NUDT6: variants seen among roughly 807,000 people sequenced by gnomAD.
NUDT6 encodes FAD diphosphatase NUDT6.
NUDT6 carries 24 observed loss-of-function variants against 36.8 expected under a neutral mutation model. That is an observed-to-expected ratio of 0.65 (90% CI 0.47 to 0.92). The LOEUF is 0.92. Ranked by LOEUF, NUDT6 falls within the 40% of genes least tolerant of loss-of-function variation. The pLI is 0.00. For synonymous variants in NUDT6, 163 were observed against 157.0 expected (o/e 1.04, Z -0.29); for missense variants, 388 against 392.8 (o/e 0.99, Z 0.10).
intron 3 of NUDT6, among the ~76,000 whole-genome samples, chr4:122,912,337 C>T (rs1727747504): frequency 6.6e-6 from 1 of 152,108 alleles, no homozygotes; most frequent in Admixed American, 6.6e-5. Flanking sequence ...TTATAATTTT[C>T]CTTTAGCCAT....
At chr4:122,918,791 C>T (rs1273636749) in intron 1 of NUDT6, 1 of 152,166 alleles carries the variant, frequency 6.6e-6, no homozygotes, top group Non-Finnish European at 1.5e-5. Context: ...GGATCAGGTC[C>T]TTCTCACCTT....
chr4:122,914,610 C>G (rs1319274640), intron 2 of NUDT6, among the ~76,000 whole-genome samples: 1 of 152,278 alleles, frequency 6.6e-6, no homozygotes, highest in East Asian at 1.9e-4. Context: ...ATATGAGTGT[C>G]TGGCTTCATA....
rs1231265824 is a variant in NUDT6, at chr4:122,922,475, T to G, written c.98A>C (p.Gln33Pro). The G allele has an allele frequency of 6.2e-7, 1 of 1,611,406 alleles. No homozygotes were observed. The highest frequency in any genetic ancestry group is 8.5e-7 in the Non-Finnish European group (1 of 1,179,796). ...AACTGGCGGATTCCGCACGTAACCCTGTGCGCCCGAGGCCCAGCGGTAACC... is the reference window on the plus strand; with the variant it reads ...AACTGGCGGATTCCGCACGTAACCCGGTGCGCCCGAGGCCCAGCGGTAACC... Reference protein sequence around the residue: ...SAGYRWASGAQGYVRNPPVGA... With the variant: ...SAGYRWASGAPGYVRNPPVGA... The change falls in exon 1 of 5, where the codon CAG (glutamine) becomes CCG (proline). Residue 33 changes from glutamine (Q) to proline (P), a missense_variant. Gln to Pro is a moderately conservative substitution (Grantham distance 76). Transcript: ENST00000304430.
At chr4:122,914,354 G>A (rs1432198674) in intron 2 of NUDT6, among the ~76,000 whole-genome samples, 1 of 152,102 alleles carries the variant, frequency 6.6e-6, no homozygotes, top group African/African-American at 2.4e-5. Flanking sequence ...TTTACAAGAG[G>A]TAGACTGCCA....
Position 122,922,011 on chromosome 4 carries a change from G to A in NUDT6, c.238+324C>T, listed in dbSNP as rs115875251. On this transcript the variant is annotated intron_variant, in intron 1 of 4. Coordinates refer to ENST00000304430, the MANE Select transcript of NUDT6 (RefSeq NM_007083.5). ...CCAAATTAACTCTCAGTAATTCCAGGAGTTCTTATCACCGGGGTCTGTGGA... is the reference window on the plus strand; with the variant it reads ...CCAAATTAACTCTCAGTAATTCCAGAAGTTCTTATCACCGGGGTCTGTGGA... 9.6e-4 allele frequency: 304 copies of A among 316,282 alleles called. 1 individual carries two copies. Among genetic ancestry groups the A allele is most frequent in the African/African-American group, 4.9e-3 (231 of 47,116 alleles). 19.6% of individuals were successfully genotyped at this position (316,282 alleles called of 1,614,324 possible).
chr4:122,920,656 G>C (rs1035695703), intron 1 of NUDT6: 1 of 152,170 alleles, frequency 6.6e-6, no homozygotes, highest in Non-Finnish European at 1.5e-5. Flanking sequence ...ACAGCTTTCT[G>C]CTTTGTCATG....
At chr4:122,911,829 T>C (rs371443649) in intron 3 of NUDT6, among the ~76,000 whole-genome samples, 1 of 152,280 alleles carries the variant, frequency 6.6e-6, no homozygotes, top group African/African-American at 2.4e-5. Flanking sequence ...AAATATTTGT[T>C]GCTTCTAGTC....
intron 2 of NUDT6, among the ~76,000 whole-genome samples, chr4:122,916,045 C>T (rs1431859378): frequency 6.6e-6 from 1 of 152,082 alleles, no homozygotes; most frequent in Non-Finnish European, 1.5e-5. Flanking sequence ...TCATAAGGAT[C>T]CCTTACTATT....
Position 122,907,449 on chromosome 4 carries a change from CTTTTTT to C in NUDT6, c.498+5113_498+5118del, listed in dbSNP as rs374300011. Among the ~76,000 whole-genome samples, 5 of 125,430 alleles carry C rather than the reference CTTTTTT, an allele frequency of 4.0e-5. No individual in the cohort carries two copies. The South Asian group carries it at 7.7e-4, about 19-fold the overall frequency. The allele number at this position is 125,430 out of a possible 152,430, so 82.3% of individuals were successfully genotyped here. A position where few individuals can be genotyped will look rare whatever the true frequency, so the allele number is the denominator to read the frequency against. On this transcript the variant is annotated intron_variant, in intron 3 of 4. Coordinates refer to ENST00000304430, the MANE Select transcript of NUDT6 (RefSeq NM_007083.5). ...CGCACCTGGCCTATTTCTTTACTTT[CTTTTTT>C]TTTTTTTTTTTCTGAGACAGAGTTT...
chr4:122,901,478 CAG>C (rs1219815319), intron 3 of NUDT6, among the ~76,000 whole-genome samples: 1 of 152,060 alleles, frequency 6.6e-6, no homozygotes, highest in African/African-American at 2.4e-5. Context: ...AAATGGAAAA[CAG>C]AAGACAGTGT....
In NUDT6 at chr4:122,895,200, T is replaced by C. The variant is rs1727313004; in HGVS notation, c.554-1975A>G. The C allele has an allele frequency of 2.0e-5, 3 of 152,252 alleles. No individual in the cohort carries two copies. In the South Asian group the frequency reaches 6.2e-4, roughly 32 times the overall value. 9.4% of individuals were successfully genotyped at this position (152,252 alleles called of 1,614,324 possible). A position where few individuals can be genotyped will look rare whatever the true frequency, so the allele number is the denominator to read the frequency against. ...GATGAATTGAAATTTTTAATCAAGA[T>C]AGTGTGCTTTATTCTGTTGTATTTT... On this transcript the variant is annotated intron_variant, in intron 4 of 4. Coordinates refer to ENST00000304430, the MANE Select transcript of NUDT6 (RefSeq NM_007083.5).
At position 122,902,900 on chromosome 4, in the gene NUDT6, A is replaced by C. The variant is rs140276726; in HGVS notation, c.499-5222T>G. On this transcript the variant is annotated intron_variant, in intron 3 of 4. Coordinates refer to ENST00000304430, the MANE Select transcript of NUDT6 (RefSeq NM_007083.5). Reference sequence around the variant, plus strand: ...TCCTCTGCAAAAAACACTTGACATTAATGCCTGGGGAGAGTGAGGTACATA... The same window carrying C: ...TCCTCTGCAAAAAACACTTGACATTCATGCCTGGGGAGAGTGAGGTACATA... Among the ~76,000 whole-genome samples the C allele has an allele frequency of 9.8e-4, 150 of 152,296 alleles. 1 individual carries two copies. Among genetic ancestry groups the C allele is most frequent in the African/African-American group, 3.5e-3 (144 of 41,576 alleles).
chr4:122,922,308 G>A, intron 1 of NUDT6, 27 bp downstream of exon 1: 1 of 1,576,076 alleles, frequency 6.3e-7, no homozygotes, highest in Non-Finnish European at 8.6e-7. Context: ...TGGAGCCCCG[G>A]GAGCCCTTCG....
At position 122,912,972 on chromosome 4, in the gene NUDT6, T is replaced by C. The variant is rs187979958; in HGVS notation, c.443-349A>G. Among the ~76,000 whole-genome samples, 625 of 152,368 alleles carry C rather than the reference T, an allele frequency of 4.1e-3. 4 individuals carry two copies. The highest frequency in any genetic ancestry group is 5.1e-3 in the Non-Finnish European group (347 of 68,036). On this transcript the variant is annotated intron_variant, in intron 2 of 4. Transcript: ENST00000304430. Reference sequence around the variant, plus strand: ...AAAACAGTTTTGACTGCATTTTGACTGTGACTTGTCACATGAGGTCAGGTA... The same window carrying C: ...AAAACAGTTTTGACTGCATTTTGACCGTGACTTGTCACATGAGGTCAGGTA...
At chr4:122,916,409 A>G (rs1456157335) in intron 2 of NUDT6, among the ~76,000 whole-genome samples, 1 of 152,218 alleles carries the variant, frequency 6.6e-6, no homozygotes, top group Non-Finnish European at 1.5e-5. Flanking sequence ...AAATATTATT[A>G]AGAAGTAATT....
chr4:122,918,424 T>A, intron 1 of NUDT6: 1 of 152,206 alleles, frequency 6.6e-6, no homozygotes, highest in Non-Finnish European at 1.5e-5. Context: ...ATATATTATC[T>A]CATTAAGTGC....
intron 3 of NUDT6, among the ~76,000 whole-genome samples, chr4:122,904,243 C>T (rs552000594): frequency 6.6e-6 from 1 of 152,238 alleles, no homozygotes; most frequent in South Asian, 2.1e-4. Context: ...ACTATGCCTG[C>T]ATGTTTTCAC....
At chr4:122,904,866 T>C (rs1727587553) in intron 3 of NUDT6, among the ~76,000 whole-genome samples, 2 of 152,216 alleles carry the variant, frequency 1.3e-5, no homozygotes, top group African/African-American at 4.8e-5. Flanking sequence ...GCACATAGTG[T>C]GTCTGGAGTT....
intron 2 of NUDT6, among the ~76,000 whole-genome samples, chr4:122,916,097 T>C (rs575776049): frequency 2.0e-5 from 3 of 152,284 alleles, no homozygotes; most frequent in South Asian, 4.2e-4. Context: ...CCTTAAAGGG[T>C]AGTACTGAGA....
Sources: allele counts gnomAD v4.1 joint callset (sites outside exome capture counted in the v4.1 genomes callset), GRCh38; gene constraint gnomAD v4.1.1; transcripts MANE v1.5; gene names NCBI Gene and HGNC (gene_info 2026-07-23, HGNC 2026-07-21).